Variants in TRPM6 observed in about 807,000 individuals in gnomAD.
The protein encoded by TRPM6 is transient receptor potential cation channel subfamily M member 6, also known as channel kinase 2.
TRPM6 carries 111 observed loss-of-function variants against 247.6 expected under a neutral mutation model. The observed-to-expected ratio is 0.45, with a 90% CI of 0.38 to 0.52. The LOEUF is 0.52. TRPM6 is among the 20% of genes least tolerant of loss of function. The pLI, the probability that TRPM6 is intolerant of heterozygous loss-of-function variation, is 0.00. For synonymous variants in TRPM6, 892 were observed against 853.8 expected (o/e 1.04, Z -0.78); for missense variants, 2,126 against 2,421.5 (o/e 0.88, Z 2.56).
chr9:74,736,849 G>A (rs967486782), intron 36 of TRPM6, among the ~76,000 whole-genome samples: 3 of 152,096 alleles, frequency 2.0e-5, no homozygotes, highest in Non-Finnish European at 2.9e-5. Context: ...ATTACTAAGA[G>A]ACATAAAAAT....
intron 7 of TRPM6, among the ~76,000 whole-genome samples, chr9:74,825,768 C>G (rs887724222): frequency 2.0e-5 from 3 of 152,098 alleles, no homozygotes; most frequent in African/African-American, 7.2e-5. Context: ...CAGAACCCCA[C>G]GCAATTTAGG....
intron 3 of TRPM6, among the ~76,000 whole-genome samples, chr9:74,845,634 C>A (rs1249698013): frequency 6.6e-6 from 1 of 152,098 alleles, no homozygotes; most frequent in Non-Finnish European, 1.5e-5. Context: ...AGTTCATGAC[C>A]AGCCTGGGCA....
At chr9:74,805,485 T>G (rs1042745979) in intron 14 of TRPM6, among the ~76,000 whole-genome samples, 10 of 152,196 alleles carry the variant, frequency 6.6e-5, no homozygotes, top group African/African-American at 2.4e-4. Flanking sequence ...GAAACAATTT[T>G]CAGACAATGC....
chr9:74,861,178 AAGTC>A (rs1198182240), intron 1 of TRPM6, among the ~76,000 whole-genome samples: 1 of 152,198 alleles, frequency 6.6e-6, no homozygotes, highest in Non-Finnish European at 1.5e-5. Context: ...ATGTTACAAA[AAGTC>A]AGTATGTCCT....
chr9:74,861,357 C>A (rs1304501884), intron 1 of TRPM6, among the ~76,000 whole-genome samples: 1 of 152,186 alleles, frequency 6.6e-6, no homozygotes. Flanking sequence ...AGATAAGAAA[C>A]TGATATCATT....
chr9:74,830,345 T>C (rs999231039), intron 6 of TRPM6, among the ~76,000 whole-genome samples: 3 of 151,894 alleles, frequency 2.0e-5, no homozygotes, highest in Non-Finnish European at 4.4e-5. Flanking sequence ...ACATACCCCA[T>C]TGAAAATAAT....
In TRPM6 at chr9:74,762,867, A is replaced by G; in HGVS notation, c.3804T>C (p.Ala1268=). 1 of 1,613,892 alleles carries G rather than the reference A, an allele frequency of 6.2e-7. No individual in the cohort carries two copies. ...TATAATACTGGTATTTCTTCTCTCC[A>G]GCGATCTCCATGCTGCCTAGAACCT... ...CAEVLGSMEI[A]GEKKYQYYSM... The change falls in exon 26 of 39, where the codon GCT becomes GCC. Residue 1268 remains alanine, a synonymous_variant. Transcript: ENST00000360774.
chr9:74,808,776 AT>A (rs1363909272), intron 13 of TRPM6, among the ~76,000 whole-genome samples: 1 of 152,270 alleles, frequency 6.6e-6, no homozygotes, highest in Non-Finnish European at 1.5e-5. Context: ...AGTAGAACAA[AT>A]GAAAACAAGG....
At chr9:74,809,976 CAAAAAAAAAA>C (rs57812269) in intron 13 of TRPM6, among the ~76,000 whole-genome samples, 2 of 33,554 alleles carry the variant, frequency 6.0e-5, no homozygotes, top group Non-Finnish European at 1.3e-4. Context: ...AACTCCATCT[CAAAAAAAAAA>C]AAAAAAAAAA....
intron 1 of TRPM6, among the ~76,000 whole-genome samples, chr9:74,860,212 T>C (rs111627180): frequency 6.6e-6 from 1 of 152,250 alleles, no homozygotes; most frequent in Non-Finnish European, 1.5e-5. Context: ...TAAATCATTT[T>C]ACTCTCTTAT....
chr9:74,763,264 T>C, intron 25 of TRPM6, 130 bp from the exon 26 acceptor site: 6 of 887,044 alleles, frequency 6.8e-6, no homozygotes, highest in Non-Finnish European at 1.1e-5. Context: ...GTCTGTCTTT[T>C]GCCTTCTTCT....
At chr9:74,818,150 C>T (rs1255233953) in intron 9 of TRPM6, among the ~76,000 whole-genome samples, 1 of 152,070 alleles carries the variant, frequency 6.6e-6, no homozygotes, top group Non-Finnish European at 1.5e-5. Context: ...AATTATTCTG[C>T]TTGATGGCAA....
chr9:74,803,738 A>G, intron 15 of TRPM6, 56 bp downstream of exon 15: 2 of 1,189,430 alleles, frequency 1.7e-6, no homozygotes, highest in South Asian at 2.4e-5. Flanking sequence ...ATGAAGAAAC[A>G]GTCTCGAGCT....
intron 11 of TRPM6, among the ~76,000 whole-genome samples, chr9:74,813,990 G>T (rs755254638): frequency 3.3e-5 from 5 of 152,124 alleles, no homozygotes; most frequent in African/African-American, 4.8e-5. Context: ...CCAGCTACTC[G>T]GGAAGCTGAG....
intron 18 of TRPM6, among the ~76,000 whole-genome samples, chr9:74,796,443 T>A (rs1052788560): frequency 1.3e-5 from 2 of 152,196 alleles, no homozygotes; most frequent in Non-Finnish European, 2.9e-5. Context: ...GTCTTTGATT[T>A]TGGCTTTGAA....
Position 74,790,609 on chromosome 9 carries a change from G to A in TRPM6, c.2539-1867C>T, listed in dbSNP as rs534676957. On this transcript the variant is annotated intron_variant, in intron 19 of 38. Coordinates refer to ENST00000360774, the MANE Select transcript of TRPM6 (RefSeq NM_017662.5). Reference sequence around the variant, plus strand: ...GAGGTCAGTATTGATGTTTGGCAACGTCTTCTTCTCACCGCCCCTCTGCTG... The same window carrying A: ...GAGGTCAGTATTGATGTTTGGCAACATCTTCTTCTCACCGCCCCTCTGCTG... 2.7e-3 allele frequency among the ~76,000 whole-genome samples: 416 copies of A among 152,194 alleles called. 2 individuals are homozygous for A. The highest frequency in any genetic ancestry group is 6.8e-3 in the Middle Eastern group (2 of 294).
intron 1 of TRPM6, among the ~76,000 whole-genome samples, chr9:74,868,377 C>A (rs1433140371): frequency 6.6e-6 from 1 of 151,906 alleles, no homozygotes; most frequent in African/African-American, 2.4e-5. Context: ...TGCCTGTAAT[C>A]CCAGCTACTC....
intron 1 of TRPM6, among the ~76,000 whole-genome samples, chr9:74,872,116 G>T (rs187390259): frequency 6.6e-6 from 1 of 151,618 alleles, no homozygotes; most frequent in Non-Finnish European, 1.5e-5. Context: ...GCCTCCTAAA[G>T]TGCTAGGATT....
chr9:74,785,940 T>A lies in TRPM6; in HGVS notation c.2853A>T (p.Ser951=). ...TCACAGCAAAGAAGTCCAGGAGCCG[T>A]GAGAACCAGAATATGATGTCTATGC... ...IYCIDIIFWF[S]RLLDFFAVNQ... Residue 951 remains serine (S), a synonymous_variant, in exon 21 of 39, where the codon TCA becomes TCT. Transcript: ENST00000360774. The A allele has an allele frequency of 6.2e-7, 1 of 1,613,506 alleles. No homozygotes were observed. The highest frequency in any genetic ancestry group is 8.5e-7 in the Non-Finnish European group (1 of 1,179,514).
Sources: allele counts gnomAD v4.1 joint callset (sites outside exome capture counted in the v4.1 genomes callset), GRCh38; gene constraint gnomAD v4.1.1; transcripts MANE v1.5; gene names NCBI Gene and HGNC (gene_info 2026-07-23, HGNC 2026-07-21).